MITF: variants seen among roughly 807,000 people sequenced by gnomAD.
MITF encodes the protein microphthalmia-associated transcription factor.
MITF carries 17 observed loss-of-function variants against 60.5 expected under a neutral mutation model. The observed-to-expected ratio is 0.28, with a 90% CI of 0.19 to 0.42. MITF has a LOEUF of 0.42. Ranked by LOEUF, MITF falls within the 10% of genes least tolerant of loss-of-function variation. The pLI, the probability that MITF is intolerant of heterozygous loss-of-function variation, is 1.00. For synonymous variants in MITF, 260 were observed against 248.5 expected (o/e 1.05, Z -0.43); for missense variants, 622 against 683.5 (o/e 0.91, Z 1.00).
Position 69,879,150 on chromosome 3 carries a change from C to G in MITF, c.121C>G (p.Pro41Ala), listed in dbSNP as rs1294854966. The change falls in exon 2 of 10, where the codon CCT (proline) becomes GCT (alanine). Residue 41 changes from proline (P) to alanine (A), a missense_variant. Around this residue, in one of 5 missense-constraint regions of MITF, gnomAD observed 149 missense variants for 157.8 expected, o/e 0.94. Coordinates refer to ENST00000352241, the MANE Select transcript of MITF (RefSeq NM_001354604.2). ...TTCCCACAGCAGTTCCGCCGAGCAT[C>G]CTGGGGCCTCCAAGCCTCCGATAAG... ...PLKSSSSAEHPGASKPPISSS... is the reference protein window; with the variant it reads ...PLKSSSSAEHAGASKPPISSS... 2.5e-6 allele frequency: 4 copies of G among 1,614,196 alleles called. No homozygotes were observed. Among genetic ancestry groups the G allele is most frequent in the Non-Finnish European group, 3.4e-6 (4 of 1,180,038 alleles).
At chr3:69,906,918 T>C (rs1443953654) in intron 2 of MITF, among the ~76,000 whole-genome samples, 1 of 152,124 alleles carries the variant, frequency 6.6e-6, no homozygotes, top group East Asian at 1.9e-4. Context: ...ACAACAAAAA[T>C]AGCAGCTTTT....
intron 2 of MITF, among the ~76,000 whole-genome samples, chr3:69,929,149 A>T (rs1479486651): frequency 6.6e-6 from 1 of 152,098 alleles, no homozygotes; most frequent in Non-Finnish European, 1.5e-5. Context: ...TGCCTACACA[A>T]TGTGGCCCCT....
chr3:69,782,155 C>T (rs1397464868), intron 1 of MITF, among the ~76,000 whole-genome samples: 1 of 152,168 alleles, frequency 6.6e-6, no homozygotes, highest in Non-Finnish European at 1.5e-5. Flanking sequence ...ACACAGAGGC[C>T]CTGCCCTATA....
chr3:69,784,388 T>C (rs866955027), intron 1 of MITF, among the ~76,000 whole-genome samples: 1 of 152,138 alleles, frequency 6.6e-6, no homozygotes, highest in Admixed American at 6.5e-5. Context: ...AGGCTACTTT[T>C]TGGGGTAAGA....
intron 2 of MITF, among the ~76,000 whole-genome samples, 157 bp downstream of exon 2, chr3:69,879,540 TAA>T (rs1378790842): frequency 1.3e-5 from 2 of 152,226 alleles, no homozygotes; most frequent in Admixed American, 6.5e-5. Flanking sequence ...CTTTATATTT[TAA>T]AAGAAGGATG....
intron 7 of MITF, among the ~76,000 whole-genome samples, chr3:69,953,558 G>A (rs2066310391): frequency 6.7e-6 from 1 of 150,106 alleles, no homozygotes; most frequent in Non-Finnish European, 1.5e-5. Context: ...CATTCAATCA[G>A]CCATTACTGT....
At chr3:69,907,886 T>A (rs2065134654) in intron 2 of MITF, among the ~76,000 whole-genome samples, 1 of 152,182 alleles carries the variant, frequency 6.6e-6, no homozygotes, top group Non-Finnish European at 1.5e-5. Context: ...AGAGAGTTTC[T>A]TAAAGTTGAC....
At chr3:69,935,679 A>G (rs1268171812) in intron 2 of MITF, among the ~76,000 whole-genome samples, 3 of 152,206 alleles carry the variant, frequency 2.0e-5, no homozygotes, top group African/African-American at 7.2e-5. Context: ...AGCAGTAGAT[A>G]TTAAGCATTT....
At chr3:69,778,986 A>G (rs1291261218) in intron 1 of MITF, 2 of 152,218 alleles carry the variant, frequency 1.3e-5, no homozygotes, top group Non-Finnish European at 2.9e-5. Flanking sequence ...TGTGAAGAAT[A>G]TAATTATTCT....
chr3:69,924,910 A>G (rs547112895), intron 2 of MITF, among the ~76,000 whole-genome samples: 18 of 152,062 alleles, frequency 1.2e-4, no homozygotes, highest in Non-Finnish European at 1.9e-4. Context: ...CTCACAATCC[A>G]TCTATGATAT....
At chr3:69,856,276 G>A (rs1042167610) in intron 1 of MITF, among the ~76,000 whole-genome samples, 33 of 152,008 alleles carry the variant, frequency 2.2e-4, no homozygotes, top group Non-Finnish European at 5.9e-5. Flanking sequence ...AAACCACATG[G>A]AACTTTAAAT....
chr3:69,772,704 C>T (rs890912255), intron 1 of MITF, among the ~76,000 whole-genome samples: 3 of 152,148 alleles, frequency 2.0e-5, no homozygotes, highest in Non-Finnish European at 2.9e-5. Context: ...AGATGACACC[C>T]ATGCCACCAG....
chr3:69,784,578 A>G (rs1421216925), intron 1 of MITF, among the ~76,000 whole-genome samples: 2 of 152,166 alleles, frequency 1.3e-5, no homozygotes, highest in East Asian at 1.9e-4. Flanking sequence ...TTAACTGAAG[A>G]TATTCCTGAA....
rs1312066539 is a variant in MITF at position 69,965,717 on chromosome 3, A to G, written c.*469A>G. On this transcript the variant is annotated 3_prime_UTR_variant, in exon 10 of 10. Coordinates refer to ENST00000352241, the MANE Select transcript of MITF (RefSeq NM_001354604.2). ...TAACCCTTTTCCATTTTATAAATGT[A>G]TTGATTCATTGGTACTGCCTTAAAG... 8.2e-6 allele frequency: 2 copies of G among 242,886 alleles called. No homozygotes were observed. Among genetic ancestry groups the G allele is most frequent in the Non-Finnish European group, 1.6e-5 (2 of 122,774 alleles). 15.0% of individuals were successfully genotyped at this position (242,886 alleles called of 1,614,324 possible).
At chr3:69,870,047 C>T (rs1250136405) in intron 1 of MITF, among the ~76,000 whole-genome samples, 1 of 151,704 alleles carries the variant, frequency 6.6e-6, no homozygotes, top group African/African-American at 2.4e-5. Context: ...TTGTTCTTTC[C>T]TATTTTTCTT....
chr3:69,927,765 A>C (rs917734028), intron 2 of MITF, among the ~76,000 whole-genome samples: 1 of 152,176 alleles, frequency 6.6e-6, no homozygotes, highest in Non-Finnish European at 1.5e-5. Context: ...TCTAATGGGT[A>C]TAGATTAGGG....
chr3:69,788,603 T>C (rs1362194819), intron 1 of MITF, among the ~76,000 whole-genome samples: 3 of 152,040 alleles, frequency 2.0e-5, no homozygotes, highest in African/African-American at 7.2e-5. Context: ...GACCCAGAAG[T>C]CTTTCACCAA....
At chr3:69,847,955 C>A (rs1241762321) in intron 1 of MITF, among the ~76,000 whole-genome samples, 1 of 152,232 alleles carries the variant, frequency 6.6e-6, no homozygotes, top group African/African-American at 2.4e-5. Context: ...TAATGATGTG[C>A]TGGCCACATT....
chr3:69,757,653 A>G (rs1207311873), intron 1 of MITF, among the ~76,000 whole-genome samples: 2 of 151,830 alleles, frequency 1.3e-5, no homozygotes, highest in African/African-American at 2.4e-5. Context: ...ATCAGAGATG[A>G]AAAAAAACAG....
Sources: gnomAD v4.1 joint callset for allele counts (sites outside exome capture counted in the v4.1 genomes callset) on GRCh38, gnomAD v4.1.1 for gene constraint, gnomAD v4.1.1 regional missense constraint, MANE v1.5 for transcripts, NCBI Gene and HGNC (gene_info 2026-07-23, HGNC 2026-07-21) for gene names.